PTPRZ1: variants seen among roughly 807,000 people sequenced by gnomAD.
PTPRZ1 encodes the protein protein tyrosine phosphatase receptor type Z1, also known as receptor-type tyrosine-protein phosphatase zeta.
A neutral mutation model predicts 214.1 loss-of-function variants in PTPRZ1; 82 were observed. The ratio of observed to expected loss-of-function variants is 0.38; its 90% CI spans 0.32 to 0.46. The LOEUF (loss-of-function observed/expected upper bound fraction) is 0.46, where lower values mean the gene tolerates loss of function less well. Ranked by LOEUF, PTPRZ1 falls within the 20% of genes least tolerant of loss-of-function variation. The pLI is 1.00. For synonymous variants in PTPRZ1, 945 were observed against 987.9 expected (o/e 0.96, Z 0.81); for missense variants, 2,603 against 2,748.7 (o/e 0.95, Z 1.19).
intron 20 of PTPRZ1, 60 bp from the exon 21 acceptor site, chr7:122,040,756 G>A: frequency 2.8e-5 from 23 of 828,394 alleles, no homozygotes; most frequent in Non-Finnish European, 3.0e-5. Flanking sequence ...GTGTGTGTGT[G>A]TGTGTGTGTG....
chr7:121,907,611 G>T (rs902472024), intron 1 of PTPRZ1, among the ~76,000 whole-genome samples: 2 of 151,764 alleles, frequency 1.3e-5, no homozygotes, highest in Non-Finnish European at 2.9e-5. Context: ...ATTTTTTCAA[G>T]GTTTAGAGTA....
At chr7:122,033,900 A>G (rs1300275050) in intron 15 of PTPRZ1, 195 bp from the exon 16 acceptor site, 1 of 542,426 alleles carries the variant, frequency 1.8e-6, no homozygotes, top group East Asian at 3.1e-5. Flanking sequence ...CATAATTTTA[A>G]AGTTCCAAAT....
At position 121,968,086 on chromosome 7, in the gene PTPRZ1, A is replaced by T. The variant is rs780288565; in HGVS notation, c.260A>T (p.Lys87Ile). The change falls in exon 3 of 30, where the codon AAA (lysine) becomes ATA (isoleucine). Residue 87 changes from lysine (K) to isoleucine (I), a missense_variant. Physicochemically the swap from Lys to Ile is moderately radical, Grantham distance 102. Around this residue, in one of 6 missense-constraint regions of PTPRZ1, gnomAD observed 141 missense variants for 143.7 expected, o/e 0.98. Coordinates refer to ENST00000393386, the MANE Select transcript of PTPRZ1 (RefSeq NM_002851.3). The part of the protein sequence containing the change: ...LKKLKFQGWD[K>I]TSLENTFIHN... ...AAACTTAAATTTCAGGGTTGGGATA[A>T]AACATCATTGGAAAACACATTCATT... The T allele has an allele frequency of 6.2e-7, 1 of 1,606,934 alleles. No individual in the cohort carries two copies. The highest frequency in any genetic ancestry group is 1.1e-5 in the South Asian group (1 of 88,928).
chr7:121,881,926 A>G (rs1794252637), intron 1 of PTPRZ1, among the ~76,000 whole-genome samples: 1 of 152,216 alleles, frequency 6.6e-6, no homozygotes. Flanking sequence ...CTCCATGCAT[A>G]ATTTGTTAGA....
At chr7:122,027,468 G>T (rs1799236392) in intron 13 of PTPRZ1, among the ~76,000 whole-genome samples, 1 of 152,138 alleles carries the variant, frequency 6.6e-6, no homozygotes, top group Admixed American at 6.5e-5. Context: ...AAAGATTTAG[G>T]TGTGTCACTA....
intron 1 of PTPRZ1, 69 bp downstream of exon 1, chr7:121,873,626 G>T (rs1793954909): frequency 6.4e-7 from 1 of 1,569,578 alleles, no homozygotes. Context: ...GCATTTCAGC[G>T]TGTCCGCGAC....
At chr7:121,950,532 A>G (rs1478102694) in intron 2 of PTPRZ1, among the ~76,000 whole-genome samples, 2 of 152,234 alleles carry the variant, frequency 1.3e-5, no homozygotes, top group East Asian at 1.9e-4. Flanking sequence ...TGTCTTCTCT[A>G]GTTATCAAGG....
At chr7:121,928,388 G>C (rs1006828325) in intron 2 of PTPRZ1, among the ~76,000 whole-genome samples, 167 bp downstream of exon 2, 1 of 152,074 alleles carries the variant, frequency 6.6e-6, no homozygotes, top group African/African-American at 2.4e-5. Context: ...TATCTTATGG[G>C]CTTTCCATAA....
intron 14 of PTPRZ1, among the ~76,000 whole-genome samples, chr7:122,030,226 A>C (rs1212445930): frequency 6.6e-6 from 1 of 152,010 alleles, no homozygotes; most frequent in Non-Finnish European, 1.5e-5. Context: ...TGATCACCTG[A>C]ATATGCATGT....
intron 18 of PTPRZ1, among the ~76,000 whole-genome samples, chr7:122,038,309 T>C (rs1395678587): frequency 1.3e-5 from 2 of 152,102 alleles, no homozygotes; most frequent in Admixed American, 6.5e-5. Flanking sequence ...TCTCAGCACG[T>C]TGAAGTAGAG....
chr7:121,896,167 T>G (rs1479897649), intron 1 of PTPRZ1, among the ~76,000 whole-genome samples: 3 of 152,204 alleles, frequency 2.0e-5, no homozygotes, highest in Non-Finnish European at 4.4e-5. Flanking sequence ...AGAGTAGATG[T>G]TTTAAAATTT....
At chr7:121,914,175 G>A (rs1337999433) in intron 1 of PTPRZ1, among the ~76,000 whole-genome samples, 1 of 152,074 alleles carries the variant, frequency 6.6e-6, no homozygotes, top group Admixed American at 6.6e-5. Flanking sequence ...GAAAGAAACA[G>A]AAACCAGACA....
intron 26 of PTPRZ1, among the ~76,000 whole-genome samples, chr7:122,054,448 C>A (rs756228297): frequency 3.3e-5 from 5 of 151,790 alleles, no homozygotes; most frequent in Non-Finnish European, 7.4e-5. Flanking sequence ...AAGTGATTTC[C>A]TAGTATAGGA....
At chr7:121,976,636 G>T in intron 5 of PTPRZ1, 149 bp from the exon 6 acceptor site, 1 of 587,210 alleles carries the variant, frequency 1.7e-6, no homozygotes, top group African/African-American at 1.9e-5. Context: ...TGCTTTATTT[G>T]TTTTCACCTA....
chr7:122,010,656 C>T lies in PTPRZ1; in HGVS notation c.1610C>T (p.Ser537Phe). The change falls in exon 12 of 30, where the codon TCT (serine) becomes TTT (phenylalanine). Residue 537 changes from serine (S) to phenylalanine (F), a missense_variant. Ser to Phe is a radical substitution (Grantham distance 155, BLOSUM62 -2). Transcript: ENST00000393386. ...CACACTGTGGAAGGTACTTCAGCCT[C>T]TTTAAATGATGGCTCTAAAACTGTT... is the stretch of plus-strand genomic sequence containing the variant. Reference protein sequence around the residue: ...PPHTVEGTSASLNDGSKTVLR... With the variant: ...PPHTVEGTSAFLNDGSKTVLR... 2 of 1,613,692 alleles carry T rather than the reference C, an allele frequency of 1.2e-6. No homozygotes were observed. Among genetic ancestry groups the T allele is most frequent in the South Asian group, 2.2e-5 (2 of 91,068 alleles).
intron 2 of PTPRZ1, among the ~76,000 whole-genome samples, chr7:121,937,707 A>G (rs1465603833): frequency 6.6e-6 from 1 of 152,198 alleles, no homozygotes; most frequent in Non-Finnish European, 1.5e-5. Flanking sequence ...TGGTCCATGC[A>G]AGCTAAACTT....
intron 6 of PTPRZ1, among the ~76,000 whole-genome samples, chr7:121,981,757 A>G (rs1196513): frequency 0.41 from 62,140 of 151,784 alleles, 12,983 homozygotes; most frequent in South Asian, 0.57. Flanking sequence ...TATAAGAATA[A>G]ACCCATATTT....
rs904431665 is a variant in PTPRZ1 at position 122,061,501 on chromosome 7, T to G, written c.*281T>G. The G allele has an allele frequency of 4.9e-6, 1 of 204,846 alleles. No individual in the cohort carries two copies. Among genetic ancestry groups the G allele is most frequent in the Non-Finnish European group, 9.7e-6 (1 of 103,148 alleles). 12.7% of individuals were successfully genotyped at this position (204,846 alleles called of 1,614,324 possible). On this transcript the variant is annotated 3_prime_UTR_variant, in exon 30 of 30. Coordinates refer to ENST00000393386, the MANE Select transcript of PTPRZ1 (RefSeq NM_002851.3). ...TTCTGTATTGATTTTAACAGAAAAT[T>G]TCAATTTATAGAGGTTAGGAATTCC...
At chr7:122,046,777 A>G (rs1033435757) in intron 23 of PTPRZ1, among the ~76,000 whole-genome samples, 17 of 152,166 alleles carry the variant, frequency 1.1e-4, no homozygotes, top group African/African-American at 3.9e-4. Flanking sequence ...AGATGTCCCA[A>G]TAAACATGTA....
Sources: gnomAD v4.1 joint callset for allele counts (sites outside exome capture counted in the v4.1 genomes callset) on GRCh38, gnomAD v4.1.1 for gene constraint, gnomAD v4.1.1 regional missense constraint, MANE v1.5 for transcripts, NCBI Gene and HGNC (gene_info 2026-07-23, HGNC 2026-07-21) for gene names.